DCDC1: variants seen among roughly 807,000 people sequenced by gnomAD.
The protein encoded by DCDC1 is doublecortin domain-containing protein 1.
DCDC1 carries 200 observed loss-of-function variants against 178.3 expected under a neutral mutation model. The ratio of observed to expected loss-of-function variants is 1.12; its 90% CI spans 1.00 to 1.26. The LOEUF is 1.26. Ranked by LOEUF, DCDC1 falls within the 50% of genes most tolerant of loss-of-function variation. The pLI is 0.00. For missense variants in DCDC1, 1,983 were observed against 1,749.2 expected (o/e 1.13, Z -2.38); for synonymous variants, 690 against 604.8 (o/e 1.14, Z -2.07).
At chr11:31,251,997 T>C (rs555474549) in intron 8 of DCDC1, among the ~76,000 whole-genome samples, 1 of 152,306 alleles carries the variant, frequency 6.6e-6, no homozygotes, top group Non-Finnish European at 1.5e-5. Context: ...AAGTATTGGT[T>C]CAGTATGCAA....
At chr11:31,346,459 G>C (rs1478284423) in intron 1 of DCDC1, among the ~76,000 whole-genome samples, 1 of 89,908 alleles carries the variant, frequency 1.1e-5, no homozygotes, top group African/African-American at 4.9e-5. Flanking sequence ...AGGAGACTCC[G>C]TCTCAAAAAA....
intron 9 of DCDC1, among the ~76,000 whole-genome samples, chr11:31,189,735 T>C (rs935196240): frequency 2.6e-5 from 4 of 152,126 alleles, no homozygotes; most frequent in Non-Finnish European, 4.4e-5. Context: ...TCACATCCCC[T>C]TCTCTGACTC....
chr11:31,332,059 C>A (rs181411322), intron 2 of DCDC1, among the ~76,000 whole-genome samples: 18 of 152,188 alleles, frequency 1.2e-4, no homozygotes, highest in African/African-American at 4.3e-4. Flanking sequence ...ATTTGAGAGC[C>A]TGTTATTGGT....
At chr11:31,153,818 A>ACACACACACACACAC (rs61493499) in intron 9 of DCDC1, among the ~76,000 whole-genome samples, 7 of 143,368 alleles carry the variant, frequency 4.9e-5, no homozygotes, top group South Asian at 2.2e-4. Context: ...ACACACACAC[A>ACACACACACACACAC]ATTACCATAA....
At chr11:30,917,358 G>A (rs1945917317) in intron 25 of DCDC1, among the ~76,000 whole-genome samples, 1 of 152,158 alleles carries the variant, frequency 6.6e-6, no homozygotes, top group African/African-American at 2.4e-5. Flanking sequence ...CAATGAACAT[G>A]TAATGAGACT....
At chr11:30,972,259 C>G (rs539986403) in intron 20 of DCDC1, among the ~76,000 whole-genome samples, 1 of 152,184 alleles carries the variant, frequency 6.6e-6, no homozygotes, top group East Asian at 1.9e-4. Context: ...TATGAGGAAA[C>G]CTCTAGCAGA....
At chr11:30,929,785 T>A (rs1946818748) in intron 22 of DCDC1, among the ~76,000 whole-genome samples, 1 of 152,124 alleles carries the variant, frequency 6.6e-6, no homozygotes, top group South Asian at 2.1e-4. Context: ...AAAATTTGCC[T>A]GTGACACAAG....
chr11:31,243,358 T>C (rs562775409), intron 8 of DCDC1, among the ~76,000 whole-genome samples: 5 of 151,738 alleles, frequency 3.3e-5, no homozygotes, highest in African/African-American at 9.7e-5. Context: ...GGTATACTCA[T>C]TGAACCTGGC....
intron 11 of DCDC1, among the ~76,000 whole-genome samples, chr11:31,115,640 A>C (rs1424051574): frequency 4.6e-5 from 7 of 152,156 alleles, no homozygotes; most frequent in Middle Eastern, 3.2e-3. Context: ...TGAACATACA[A>C]GGTTAACTTA....
intron 9 of DCDC1, among the ~76,000 whole-genome samples, chr11:31,211,856 G>C (rs1395523571): frequency 3.3e-5 from 5 of 152,126 alleles, no homozygotes; most frequent in Non-Finnish European, 2.9e-5. Flanking sequence ...GCCGAGGCAG[G>C]TGGATCACGA....
At chr11:30,872,040 T>C (rs1941630729) in intron 38 of DCDC1, among the ~76,000 whole-genome samples, 1 of 151,992 alleles carries the variant, frequency 6.6e-6, no homozygotes, top group Non-Finnish European at 1.5e-5. Flanking sequence ...GTTATATATA[T>C]AAAGTGCACT....
At chr11:31,112,383 T>G (rs780867660) in intron 11 of DCDC1, among the ~76,000 whole-genome samples, 3 of 152,218 alleles carry the variant, frequency 2.0e-5, no homozygotes, top group Admixed American at 6.5e-5. Context: ...AGAGTTTCTA[T>G]GATTGACTTA....
intron 35 of DCDC1, among the ~76,000 whole-genome samples, 159 bp downstream of exon 35, chr11:30,894,089 C>G (rs1338512481): frequency 6.6e-6 from 1 of 152,168 alleles, no homozygotes; most frequent in African/African-American, 2.4e-5. Context: ...GACAGCTACT[C>G]TCCAAATGCC....
Position 30,995,914 on chromosome 11 carries a change from T to A in DCDC1, c.2592-43346A>T, listed in dbSNP as rs569278317. On this transcript the variant is annotated intron_variant, in intron 20 of 38. Coordinates refer to ENST00000684477, the MANE Select transcript of DCDC1 (RefSeq NM_001387274.1). Reference sequence around the variant, plus strand: ...CACGATCATCCATAAAGAAACAAAATTTAAATTAGACGTTATCAAAATTAA... The same window carrying A: ...CACGATCATCCATAAAGAAACAAAAATTAAATTAGACGTTATCAAAATTAA... Among the ~76,000 whole-genome samples, 197 of 152,158 alleles carry A rather than the reference T, an allele frequency of 1.3e-3. 3 individuals are homozygous for A. Among genetic ancestry groups the A allele is most frequent in the African/African-American group, 4.0e-3 (166 of 41,524 alleles).
At chr11:31,203,868 A>G (rs1415110818) in intron 9 of DCDC1, among the ~76,000 whole-genome samples, 5 of 152,192 alleles carry the variant, frequency 3.3e-5, no homozygotes, top group Non-Finnish European at 7.3e-5. Context: ...CAACAAAACA[A>G]AAAATAAAAA....
At chr11:31,265,884 T>TTATTATCTATTATTTATTATTATC (rs1436850252) in intron 7 of DCDC1, among the ~76,000 whole-genome samples, 2 of 148,766 alleles carry the variant, frequency 1.3e-5, no homozygotes, top group African/African-American at 4.9e-5. Flanking sequence ...TATTTATCTA[T>TTATTATCTATTATTTATTATTATC]TATTATCTAT....
In DCDC1 at chr11:31,103,666, C is replaced by T; in HGVS notation, c.1855G>A (p.Val619Ile). 1 of 763,404 alleles carries T rather than the reference C, an allele frequency of 1.3e-6. No homozygotes were observed. Among genetic ancestry groups the T allele is most frequent in the Middle Eastern group, 2.3e-4 (1 of 4,428 alleles). The allele number at this position is 763,404 out of a possible 1,614,324, so 47.3% of individuals were successfully genotyped here. A position where few individuals can be genotyped will look rare whatever the true frequency, so the allele number is the denominator to read the frequency against. ...AYKTFLDPNA[V>I]LLPGCGNWEV... ...TACTTGCCACATCCAGGTAGCAGAA[C>T]AGCATTAGGATCCAAAAAGGTCTTA... Residue 619 changes from valine to isoleucine, a missense_variant, in exon 14 of 39, where the codon GTT becomes ATT. Transcript: ENST00000684477.
At chr11:30,973,823 C>T (rs985315709) in intron 20 of DCDC1, among the ~76,000 whole-genome samples, 1 of 152,136 alleles carries the variant, frequency 6.6e-6, no homozygotes, top group Non-Finnish European at 1.5e-5. Flanking sequence ...TCAACATAGA[C>T]AGGTCATGTA....
At chr11:31,215,243 A>C (rs1479937479) in intron 9 of DCDC1, 2 of 209,834 alleles carry the variant, frequency 9.5e-6, no homozygotes, top group Admixed American at 1.1e-4. Context: ...TTGCCTGGGC[A>C]ACATAGTGAG....
Sources: allele counts gnomAD v4.1 joint callset (sites outside exome capture counted in the v4.1 genomes callset), GRCh38; gene constraint gnomAD v4.1.1; transcripts MANE v1.5; gene names NCBI Gene and HGNC (gene_info 2026-07-23, HGNC 2026-07-21).